Variants in APCDD1L observed in about 807,000 individuals in gnomAD.
APCDD1L encodes APC down-regulated 1 like, also known as protein APCDD1-like.
Under a neutral mutation model 24.2 loss-of-function variants are expected in APCDD1L, and 21 were observed. The observed-to-expected ratio is 0.87, with a 90% CI of 0.61 to 1.25. The LOEUF is 1.25. APCDD1L is among the 50% of genes most tolerant of loss of function. APCDD1L has a pLI of 0.00. For missense variants in APCDD1L, 704 were observed against 711.7 expected, an observed-to-expected ratio of 0.99 and a Z score of 0.12; for synonymous variants, 321 against 323.6, an observed-to-expected ratio of 0.99 and a Z score of 0.09.
At chr20:58,503,544 C>T (rs749194165) in intron 1 of APCDD1L, among the ~76,000 whole-genome samples, 1 of 152,212 alleles carries the variant, frequency 6.6e-6, no homozygotes, top group Non-Finnish European at 1.5e-5. Context: ...TCGTGCTCTC[C>T]TGTATCTACA....
In APCDD1L at chr20:58,508,923, C is replaced by T. The variant is rs544389190; in HGVS notation, c.49+5736G>A. Among the ~76,000 whole-genome samples, 123 of 151,806 alleles carry T rather than the reference C, an allele frequency of 8.1e-4. 1 individual carries two copies. The highest frequency in any genetic ancestry group is 1.4e-3 in the Non-Finnish European group (96 of 67,900). On this transcript the variant is annotated intron_variant, in intron 1 of 3. Transcript: ENST00000371149. The surrounding 1 kb of genome is among the most constrained non-coding windows in gnomAD (Gnocchi z 4.0). ...GACTGTGTGCACATGCGTGAGTGTGCATGAGTGTGCGTGAGTGTGTGTGAG... is the reference window on the plus strand; with the variant it reads ...GACTGTGTGCACATGCGTGAGTGTGTATGAGTGTGCGTGAGTGTGTGTGAG...
At chr20:58,483,527 G>T (rs1328693978) in intron 1 of APCDD1L, among the ~76,000 whole-genome samples, 2 of 152,158 alleles carry the variant, frequency 1.3e-5, no homozygotes, top group Admixed American at 6.5e-5. Flanking sequence ...TTAGGATGAG[G>T]CTAAGGCACA....
chr20:58,464,921 C>T (rs1989679510), intron 3 of APCDD1L, among the ~76,000 whole-genome samples: 1 of 151,194 alleles, frequency 6.6e-6, no homozygotes, highest in South Asian at 2.1e-4. Flanking sequence ...AATGTCTGTA[C>T]ATCTGGCACC....
rs1394196723 is a variant in APCDD1L at position 58,510,451 on chromosome 20, G to T, written c.49+4208C>A. ...GGGTTCAAGCAATTCTCCTGCCTCA[G>T]CCTCCCAAGTAGCTGGGATTCCAGG... is the stretch of plus-strand genomic sequence containing the variant. On this transcript the variant is annotated intron_variant, in intron 1 of 3. Transcript: ENST00000371149. Among the ~76,000 whole-genome samples the T allele has an allele frequency of 1.9e-4, 29 of 152,130 alleles. 1 individual carries two copies. Among genetic ancestry groups the T allele is most frequent in the Admixed American group, 1.9e-3 (29 of 15,274 alleles).
intron 1 of APCDD1L, among the ~76,000 whole-genome samples, chr20:58,500,281 T>C (rs976266845): frequency 2.6e-5 from 4 of 152,222 alleles, no homozygotes; most frequent in African/African-American, 4.8e-5. Context: ...ACGTTCTCTT[T>C]CTGGCTGTAA....
chr20:58,493,859 C>T (rs1053375740), intron 1 of APCDD1L, among the ~76,000 whole-genome samples: 26 of 152,192 alleles, frequency 1.7e-4, no homozygotes, highest in African/African-American at 6.0e-4. Flanking sequence ...TTAGGGGCAC[C>T]AGTGCCCCAC....
At position 58,514,849 on chromosome 20, in the gene APCDD1L, C is replaced by G. The variant is rs954736183; in HGVS notation, c.-142G>C. On this transcript the variant is annotated 5_prime_UTR_variant, in exon 1 of 4. Coordinates refer to ENST00000371149, the MANE Select transcript of APCDD1L (RefSeq NM_153360.3). ...GAAGTTGCGAGGGTCCTGCGCCCCC[C>G]TCGGCGCTCACACGCGCTCAGCCTT... 7.0e-6 allele frequency: 4 copies of G among 569,288 alleles called. No homozygotes were observed. The highest frequency in any genetic ancestry group is 5.2e-4 in the Middle Eastern group (1 of 1,906). The allele number at this position is 569,288 out of a possible 1,614,324, so 35.3% of individuals were successfully genotyped here. A position where few individuals can be genotyped will look rare whatever the true frequency, so the allele number is the denominator to read the frequency against.
intron 1 of APCDD1L, among the ~76,000 whole-genome samples, chr20:58,480,286 C>T (rs951399305): frequency 2.0e-5 from 3 of 152,186 alleles, no homozygotes; most frequent in Non-Finnish European, 4.4e-5. Flanking sequence ...GCTCAGTGCA[C>T]TCAGAGAGTT....
At position 58,461,292 on chromosome 20, in the gene APCDD1L, C is replaced by T. The variant is rs554715845; in HGVS notation, c.1004G>A (p.Arg335His). ...GGTGGATGGCGTGCCCCTGGTGTAG[C>T]GGCCGGCGGCATACACGGTGAAGGT... ...QPTFTVYAAG[R>H]YTRGTPSTRV... The change falls in exon 4 of 4, where the codon CGC becomes CAC. Residue 335 changes from arginine (R) to histidine (H), a missense_variant. Coordinates refer to ENST00000371149, the MANE Select transcript of APCDD1L (RefSeq NM_153360.3). The surrounding 1 kb of genome is among the most constrained non-coding windows in gnomAD (Gnocchi z 6.0). 1.1e-5 allele frequency: 18 copies of T among 1,611,300 alleles called. No individual in the cohort carries two copies. The highest frequency in any genetic ancestry group is 1.7e-5 in the Admixed American group (1 of 59,910).
intron 1 of APCDD1L, among the ~76,000 whole-genome samples, chr20:58,503,722 G>A (rs1000582965): frequency 6.6e-6 from 1 of 152,174 alleles, no homozygotes; most frequent in African/African-American, 2.4e-5. Flanking sequence ...ATACTATTTA[G>A]CTAACTGTTC....
chr20:58,473,378 G>C (rs1206825173), intron 1 of APCDD1L, among the ~76,000 whole-genome samples: 1 of 152,074 alleles, frequency 6.6e-6, no homozygotes, highest in Non-Finnish European at 1.5e-5. Flanking sequence ...AATTATGTTG[G>C]GAGACTCTGA....
At chr20:58,512,913 C>T (rs576136801) in intron 1 of APCDD1L, among the ~76,000 whole-genome samples, 7 of 152,238 alleles carry the variant, frequency 4.6e-5, no homozygotes, top group East Asian at 3.9e-4. Flanking sequence ...GTCAGGCCCC[C>T]GGGCACTCTT....
intron 1 of APCDD1L, among the ~76,000 whole-genome samples, chr20:58,498,269 C>A (rs6026313): frequency 0.58 from 87,447 of 151,904 alleles, 25,986 homozygotes; most frequent in East Asian, 0.91. Flanking sequence ...AAGCGTCTTG[C>A]TAAAGAGTGA....
intron 1 of APCDD1L, among the ~76,000 whole-genome samples, chr20:58,498,087 A>C (rs530317815): frequency 1.3e-5 from 2 of 152,316 alleles, no homozygotes; most frequent in Admixed American, 1.3e-4. Flanking sequence ...TATGTTTCAA[A>C]ACAGACTGAG....
intron 1 of APCDD1L, among the ~76,000 whole-genome samples, 158 bp downstream of exon 1, chr20:58,514,501 C>T (rs1990700252): frequency 1.3e-5 from 2 of 152,236 alleles, no homozygotes; most frequent in Non-Finnish European, 2.9e-5. Flanking sequence ...CAGGTGCCGG[C>T]CAGGTGAGAC....
intron 1 of APCDD1L, among the ~76,000 whole-genome samples, chr20:58,486,520 C>T (rs1262662794): frequency 1.3e-5 from 2 of 151,840 alleles, no homozygotes; most frequent in Non-Finnish European, 1.5e-5. Flanking sequence ...ACAACAACAA[C>T]AAAAAAGAAA....
At chr20:58,489,919 T>A (rs2865469) in intron 1 of APCDD1L, among the ~76,000 whole-genome samples, 81,048 of 151,798 alleles carry the variant, frequency 0.53, 21,906 homozygotes, top group East Asian at 0.65. Flanking sequence ...GATGGGAAAA[T>A]TAACAATAAA....
chr20:58,492,780 A>T (rs962339202), intron 1 of APCDD1L, among the ~76,000 whole-genome samples: 2 of 152,248 alleles, frequency 1.3e-5, no homozygotes, highest in Non-Finnish European at 2.9e-5. Flanking sequence ...ACACATACAC[A>T]TGCACTCACA....
rs771514205 is a variant in APCDD1L, at chr20:58,461,287, T to C, written c.1009A>G (p.Thr337Ala). ...TFTVYAAGRY[T>A]RGTPSTRVRG... ...ACCCTGGTGGATGGCGTGCCCCTGG[T>C]GTAGCGGCCGGCGGCATACACGGTG... Residue 337 changes from threonine (T) to alanine (A), a missense_variant, in exon 4 of 4, where the codon ACC becomes GCC. Physicochemically the swap from Thr to Ala is moderately conservative, Grantham distance 58. Coordinates refer to ENST00000371149, the MANE Select transcript of APCDD1L (RefSeq NM_153360.3). The surrounding 1 kb of genome is among the most constrained non-coding windows in gnomAD (Gnocchi z 6.0). 7.4e-6 allele frequency: 12 copies of C among 1,612,118 alleles called. No individual in the cohort carries two copies. The East Asian group carries it at 2.7e-4, about 36-fold the overall frequency.
Sources: gnomAD v4.1 joint callset for allele counts (sites outside exome capture counted in the v4.1 genomes callset) on GRCh38, gnomAD v4.1.1 for gene constraint, Gnocchi (gnomAD v3.1) non-coding constraint, MANE v1.5 for transcripts, NCBI Gene and HGNC (gene_info 2026-07-23, HGNC 2026-07-21) for gene names.